Variants in MAGI1 observed in about 807,000 individuals in gnomAD.
MAGI1 encodes membrane associated guanylate kinase, WW and PDZ domain containing 1.
In MAGI1, 58 loss-of-function variants were observed where a neutral mutation model predicts 139.9. That is an observed-to-expected ratio of 0.41 (90% CI 0.34 to 0.52). MAGI1 has a LOEUF of 0.52. MAGI1 is among the 20% of genes least tolerant of loss of function. MAGI1 has a pLI of 0.12. For missense variants in MAGI1, 1,874 were observed against 1,901.6 expected (o/e 0.99, Z 0.27); for synonymous variants, 812 against 737.9 (o/e 1.10, Z -1.63).
intron 3 of MAGI1, among the ~76,000 whole-genome samples, chr3:65,479,825 T>C (rs1226587657): frequency 6.6e-6 from 1 of 152,158 alleles, no homozygotes; most frequent in African/African-American, 2.4e-5. Flanking sequence ...TGTTCTCATA[T>C]GAACAAAATC....
intron 2 of MAGI1, among the ~76,000 whole-genome samples, chr3:65,514,627 T>G (rs1345956300): frequency 1.1e-4 from 15 of 131,980 alleles, no homozygotes; most frequent in African/African-American, 3.5e-4. Flanking sequence ...TCACACCAGT[T>G]AGAATGGCAA....
In MAGI1 at chr3:65,961,271, A is replaced by C. The variant is rs78746976; in HGVS notation, c.313+76725T>G. Among the ~76,000 whole-genome samples the C allele has an allele frequency of 9.0e-3, 1,372 of 152,276 alleles. 24 individuals are homozygous for C. The highest frequency in any genetic ancestry group is 0.031 in the African/African-American group (1,301 of 41,536). ...TCGAAGAATTAGTCAACACAAATCT[A>C]CAGAAGTCACCTTGAGCTTGGTACT... On this transcript the variant is annotated intron_variant, in intron 1 of 22. Coordinates refer to ENST00000402939, the MANE Select transcript of MAGI1 (RefSeq NM_001033057.2).
intron 17 of MAGI1, among the ~76,000 whole-genome samples, chr3:65,377,742 T>C (rs1942668323): frequency 6.6e-6 from 1 of 152,242 alleles, no homozygotes; most frequent in South Asian, 2.1e-4. Context: ...CATCCATCCA[T>C]GACATGCTAT....
chr3:65,707,922 G>A (rs530216367), intron 1 of MAGI1, among the ~76,000 whole-genome samples: 11 of 152,174 alleles, frequency 7.2e-5, no homozygotes, highest in South Asian at 6.2e-4. Flanking sequence ...TCCAACCTGC[G>A]GCTGTAACTG....
At chr3:65,926,183 G>A (rs1576089588) in intron 1 of MAGI1, among the ~76,000 whole-genome samples, 1 of 152,080 alleles carries the variant, frequency 6.6e-6, no homozygotes, top group Non-Finnish European at 1.5e-5. Flanking sequence ...GATTTAACCT[G>A]AAAGGAAATT....
chr3:65,543,754 A>AT (rs1223275419), intron 2 of MAGI1, among the ~76,000 whole-genome samples: 2 of 146,906 alleles, frequency 1.4e-5, no homozygotes, highest in African/African-American at 5.0e-5. Context: ...CCTGTCAGGG[A>AT]TGGGGGGGGG....
At chr3:65,986,757 T>C (rs191086357) in intron 1 of MAGI1, among the ~76,000 whole-genome samples, 32 of 152,354 alleles carry the variant, frequency 2.1e-4, no homozygotes, top group Admixed American at 4.6e-4. Flanking sequence ...TAGCTTGTGA[T>C]AGTCCAACGG....
chr3:65,382,943 G>A (rs970503160), intron 15 of MAGI1, among the ~76,000 whole-genome samples: 3 of 152,244 alleles, frequency 2.0e-5, no homozygotes, highest in East Asian at 1.9e-4. Context: ...GGAAATTAAC[G>A]ATACCTATTT....
chr3:65,624,198 G>A (rs1163376501), intron 1 of MAGI1, among the ~76,000 whole-genome samples: 1 of 152,046 alleles, frequency 6.6e-6, no homozygotes, highest in African/African-American at 2.4e-5. Context: ...CGTCCTCTTA[G>A]GAAAACAATT....
At chr3:65,431,346 G>T (rs1171193373) in intron 10 of MAGI1, among the ~76,000 whole-genome samples, 2 of 152,074 alleles carry the variant, frequency 1.3e-5, no homozygotes, top group Non-Finnish European at 2.9e-5. Flanking sequence ...GAAAATCCAG[G>T]CTGAAAATGC....
At chr3:65,677,889 A>C (rs1008407557) in intron 1 of MAGI1, among the ~76,000 whole-genome samples, 2 of 152,232 alleles carry the variant, frequency 1.3e-5, no homozygotes, top group African/African-American at 4.8e-5. Context: ...TAGCCACTTC[A>C]CTGTTCACAA....
intron 1 of MAGI1, among the ~76,000 whole-genome samples, chr3:65,752,139 G>A (rs2107828748): frequency 6.6e-6 from 1 of 152,214 alleles, no homozygotes; most frequent in East Asian, 1.9e-4. Context: ...TGTACAAACA[G>A]GGTTTCACCA....
chr3:65,602,628 T>C (rs932807976), intron 2 of MAGI1, among the ~76,000 whole-genome samples: 1 of 152,128 alleles, frequency 6.6e-6, no homozygotes, highest in African/African-American at 2.4e-5. Flanking sequence ...GTGACAGTTG[T>C]ACACCTTGAG....
At chr3:65,751,017 T>C (rs1027071429) in intron 1 of MAGI1, among the ~76,000 whole-genome samples, 1 of 152,204 alleles carries the variant, frequency 6.6e-6, no homozygotes, top group Admixed American at 6.5e-5. Flanking sequence ...ATCTTTAAAA[T>C]GGGGATTAAA....
At chr3:65,465,571 C>T (rs976988240) in intron 5 of MAGI1, among the ~76,000 whole-genome samples, 17 of 152,068 alleles carry the variant, frequency 1.1e-4, no homozygotes, top group African/African-American at 3.9e-4. Context: ...CACTTCCTTT[C>T]GGCCTTTGTT....
chr3:65,822,505 G>T (rs2042002237), intron 1 of MAGI1, among the ~76,000 whole-genome samples: 1 of 152,096 alleles, frequency 6.6e-6, no homozygotes, highest in Non-Finnish European at 1.5e-5. Context: ...TCCAGCCTGG[G>T]CAACAGAGCG....
intron 1 of MAGI1, among the ~76,000 whole-genome samples, chr3:65,683,175 T>G (rs1251656336): frequency 6.6e-6 from 1 of 152,154 alleles, no homozygotes; most frequent in Admixed American, 6.5e-5. Context: ...CTGTGTGGCC[T>G]GGGGGATGGG....
intron 22 of MAGI1, chr3:65,359,242 C>T (rs755920200): frequency 6.4e-7 from 1 of 1,560,158 alleles, no homozygotes; most frequent in Non-Finnish European, 8.6e-7. Context: ...TTCCCTATAA[C>T]ACAGAGGAAA....
At position 65,476,731 on chromosome 3, in the gene MAGI1, C is replaced by T. The variant is rs147018719; in HGVS notation, c.757+1861G>A. On this transcript the variant is annotated intron_variant, in intron 4 of 22. Transcript: ENST00000402939. ...GACCACAACTATGGTTTAGGTTATA[C>T]CATGATTTGCTATTCTTATTTATCA... 4.1e-4 allele frequency among the ~76,000 whole-genome samples: 63 copies of T among 152,256 alleles called. No homozygotes were observed. The East Asian group carries it at 0.011, about 28-fold the overall frequency.
Sources: allele counts gnomAD v4.1 joint callset (sites outside exome capture counted in the v4.1 genomes callset), GRCh38; gene constraint gnomAD v4.1.1; transcripts MANE v1.5; gene names NCBI Gene and HGNC (gene_info 2026-07-23, HGNC 2026-07-21).